The following ALDH18A1 variants were observed in gnomAD, a reference collection of about 807,000 sequenced individuals.
ALDH18A1 encodes the protein aldehyde dehydrogenase 18 family member A1, also known as delta-1-pyrroline-5-carboxylate synthase.
In ALDH18A1, 44 loss-of-function variants were observed where a neutral mutation model predicts 88.8. The ratio of observed to expected loss-of-function variants is 0.50; its 90% CI spans 0.39 to 0.64. The LOEUF is 0.64. Ranked by LOEUF, ALDH18A1 falls within the 30% of genes least tolerant of loss-of-function variation. The pLI, the probability that ALDH18A1 is intolerant of heterozygous loss-of-function variation, is 0.00. For synonymous variants in ALDH18A1, 331 were observed against 372.1 expected (o/e 0.89, Z 1.27); for missense variants, 782 against 1,009.5 (o/e 0.77, Z 3.05).
intron 12 of ALDH18A1, among the ~76,000 whole-genome samples, chr10:95,617,426 G>A (rs2139555656): frequency 6.6e-6 from 1 of 152,350 alleles, no homozygotes; most frequent in East Asian, 1.9e-4. Flanking sequence ...TGTTCTGAGA[G>A]CTCTAAGTGC....
intron 1 of ALDH18A1, among the ~76,000 whole-genome samples, chr10:95,654,779 C>A (rs186475883): frequency 1.3e-5 from 2 of 151,428 alleles, no homozygotes; most frequent in Non-Finnish European, 2.9e-5. Flanking sequence ...GATTTTAGCA[C>A]GTGATCTAAG....
intron 11 of ALDH18A1, among the ~76,000 whole-genome samples, chr10:95,622,274 T>A (rs1017726756): frequency 6.6e-6 from 1 of 152,302 alleles, no homozygotes; most frequent in Middle Eastern, 3.4e-3. Flanking sequence ...CATAGCTCAC[T>A]GAAGCCTTGA....
At chr10:95,620,498 C>T (rs1457698703) in intron 12 of ALDH18A1, among the ~76,000 whole-genome samples, 1 of 152,166 alleles carries the variant, frequency 6.6e-6, no homozygotes, top group Admixed American at 6.5e-5. Flanking sequence ...TTTATTGTGG[C>T]ACTATTCACA....
Position 95,615,147 on chromosome 10 carries a change from AC to A in ALDH18A1, c.1606-987del, listed in dbSNP as rs1028621151. ...AGAGCAGCCTGGGCAACATGGTGAA[AC>A]CCTGTCTCTACAAAAAACAAAAAAT... On this transcript the variant is annotated intron_variant, in intron 13 of 17. Coordinates refer to ENST00000371224, the MANE Select transcript of ALDH18A1 (RefSeq NM_002860.4). Among the ~76,000 whole-genome samples the A allele has an allele frequency of 2.6e-5, 4 of 151,980 alleles. No homozygotes were observed. In the East Asian group the frequency reaches 7.7e-4, roughly 29 times the overall value.
chr10:95,642,377 G>A (rs1312209018), intron 3 of ALDH18A1, among the ~76,000 whole-genome samples: 1 of 152,202 alleles, frequency 6.6e-6, no homozygotes, highest in Non-Finnish European at 1.5e-5. Flanking sequence ...ACTTTGGGAG[G>A]CCAAGGTGGG....
chr10:95,628,342 A>T, intron 8 of ALDH18A1, 26 bp downstream of exon 8: 1 of 1,614,044 alleles, frequency 6.2e-7, no homozygotes, highest in Non-Finnish European at 8.5e-7. Flanking sequence ...AAATTGTTAT[A>T]GGCAGTTAAG....
At chr10:95,631,577 T>C (rs1197294363) in intron 7 of ALDH18A1, among the ~76,000 whole-genome samples, 2 of 151,950 alleles carry the variant, frequency 1.3e-5, no homozygotes, top group African/African-American at 4.8e-5. Context: ...ACCCCATCTC[T>C]ACTAAATATA....
In ALDH18A1 at chr10:95,643,016, C is replaced by T. The variant is rs1441048064; in HGVS notation, c.279G>A (p.Gly93=). ...TRGDECGLAL[G]RLASIVEQVS... is the part of the protein sequence containing the mutation. ...CCTGCTCAACAATAGATGCCAAGCGCCCCAGGGCCAGGCCACATTCATCCC... is the reference window on the plus strand; with the variant it reads ...CCTGCTCAACAATAGATGCCAAGCGTCCCAGGGCCAGGCCACATTCATCCC... Residue 93 remains glycine (G), a synonymous_variant, in exon 3 of 18, where the codon GGG becomes GGA. Transcript: ENST00000371224. 2 of 1,613,620 alleles carry T rather than the reference C, an allele frequency of 1.2e-6. No individual in the cohort carries two copies. Among genetic ancestry groups the T allele is most frequent in the Admixed American group, 1.7e-5 (1 of 60,002 alleles).
At chr10:95,607,217 G>C (rs1180699177) in intron 17 of ALDH18A1, among the ~76,000 whole-genome samples, 3 of 152,164 alleles carry the variant, frequency 2.0e-5, no homozygotes, top group African/African-American at 4.8e-5. Context: ...TAATACAAGT[G>C]CTGTCTCTTT....
chr10:95,642,240 C>T (rs1282613184), intron 3 of ALDH18A1, among the ~76,000 whole-genome samples: 1 of 152,254 alleles, frequency 6.6e-6, no homozygotes, highest in South Asian at 2.1e-4. Context: ...CACGGCCACG[C>T]TCATTCATTT....
At chr10:95,612,841 A>G (rs558780477) in intron 15 of ALDH18A1, among the ~76,000 whole-genome samples, 2 of 152,354 alleles carry the variant, frequency 1.3e-5, no homozygotes, top group African/African-American at 2.4e-5. Context: ...GTCCCCGAAC[A>G]TGAATGACCA....
chr10:95,612,690 C>G (rs925254130), intron 15 of ALDH18A1, among the ~76,000 whole-genome samples: 1 of 152,100 alleles, frequency 6.6e-6, no homozygotes, highest in Non-Finnish European at 1.5e-5. Flanking sequence ...CTGAGGATAC[C>G]ACTTGTGTGT....
chr10:95,608,799 C>T (rs2097827627), intron 17 of ALDH18A1, among the ~76,000 whole-genome samples: 1 of 152,146 alleles, frequency 6.6e-6, no homozygotes, highest in South Asian at 2.1e-4. Context: ...CTGCCCGTGG[C>T]CTAAAATGTT....
chr10:95,607,075 A>G (rs2097824140), intron 17 of ALDH18A1, 132 bp from the exon 18 acceptor site: 2 of 869,198 alleles, frequency 2.3e-6, no homozygotes, highest in Admixed American at 1.9e-5. Flanking sequence ...CATCCTCCCC[A>G]GAAGAGCTGA....
chr10:95,617,788 G>A (rs1425311324), intron 12 of ALDH18A1, among the ~76,000 whole-genome samples: 1 of 152,182 alleles, frequency 6.6e-6, no homozygotes, highest in Non-Finnish European at 1.5e-5. Context: ...GTATCAGCTG[G>A]TATGGATGAG....
intron 12 of ALDH18A1, among the ~76,000 whole-genome samples, chr10:95,619,383 G>A (rs1056608875): frequency 1.7e-4 from 26 of 152,156 alleles, no homozygotes; most frequent in African/African-American, 4.8e-4. Context: ...TTATAGATTC[G>A]ATGCCATCCC....
chr10:95,623,934 C>G (rs185822795), intron 11 of ALDH18A1, among the ~76,000 whole-genome samples: 5 of 152,190 alleles, frequency 3.3e-5, no homozygotes, highest in African/African-American at 1.2e-4. Context: ...CTCATGACCT[C>G]AGCTGATCCG....
At position 95,627,580 on chromosome 10, in the gene ALDH18A1, C is replaced by T; in HGVS notation, c.940G>A (p.Ala314Thr). 1 of 1,614,056 alleles carries T rather than the reference C, an allele frequency of 6.2e-7. No homozygotes were observed. The highest frequency in any genetic ancestry group is 8.5e-7 in the Non-Finnish European group (1 of 1,179,938). The change falls in exon 9 of 18, where the codon GCA (alanine) becomes ACA (threonine). Residue 314 changes from alanine (A) to threonine (T), a missense_variant. Ala to Thr is a moderately conservative substitution (Grantham distance 58). Coordinates refer to ENST00000371224, the MANE Select transcript of ALDH18A1 (RefSeq NM_002860.4). Reference sequence around the variant, plus strand: ...CCACCTTGCAAAGCCCAGAGGGCTGCTTTCACCTAATGAGACAGGTTAGAT... The same window carrying T: ...CCACCTTGCAAAGCCCAGAGGGCTGTTTTCACCTAATGAGACAGGTTAGAT... The part of the protein sequence containing the change: ...GMGGMEAKVK[A>T]ALWALQGGTS...
chr10:95,614,227 T>G, intron 13 of ALDH18A1, 66 bp from the exon 14 acceptor site: 1 of 1,521,572 alleles, frequency 6.6e-7, no homozygotes, highest in Non-Finnish European at 9.1e-7. Context: ...AAACAGCAGC[T>G]TCCCTTTTAC....
Sources: gnomAD v4.1 joint callset for allele counts (sites outside exome capture counted in the v4.1 genomes callset) on GRCh38, gnomAD v4.1.1 for gene constraint, MANE v1.5 for transcripts, NCBI Gene and HGNC (gene_info 2026-07-23, HGNC 2026-07-21) for gene names.